DOCK3: variants seen among roughly 807,000 people sequenced by gnomAD.
The protein encoded by DOCK3 is dedicator of cytokinesis 3.
A neutral mutation model predicts 265.6 loss-of-function variants in DOCK3; 60 were observed. That is an observed-to-expected ratio of 0.23 (90% CI 0.18 to 0.28). DOCK3 has a LOEUF of 0.28. Ranked by LOEUF, DOCK3 falls within the 10% of genes least tolerant of loss-of-function variation. DOCK3 has a pLI of 1.00. For missense variants in DOCK3, 1,981 were observed against 2,594.3 expected, an observed-to-expected ratio of 0.76 and a Z score of 5.14; for synonymous variants, 881 against 938.0, an observed-to-expected ratio of 0.94 and a Z score of 1.11.
intron 1 of DOCK3, among the ~76,000 whole-genome samples, chr3:50,774,444 C>T (rs1043442797): frequency 6.6e-6 from 1 of 151,742 alleles, no homozygotes; most frequent in Non-Finnish European, 1.5e-5. Context: ...AGATTTATTT[C>T]CAGTTACATG....
At chr3:51,228,857 G>A (rs766727581) in intron 18 of DOCK3, 25 bp downstream of exon 18, 1 of 1,610,592 alleles carries the variant, frequency 6.2e-7, no homozygotes, top group Non-Finnish European at 8.5e-7. Flanking sequence ...CTGCAGGGTG[G>A]TGCCCTCCAC....
intron 10 of DOCK3, among the ~76,000 whole-genome samples, chr3:51,158,098 A>G (rs534620312): frequency 6.6e-6 from 1 of 152,296 alleles, no homozygotes; most frequent in Non-Finnish European, 1.5e-5. Context: ...TCCATCAAGT[A>G]TCATTAACTC....
At chr3:50,998,775 C>G (rs1322237004) in intron 5 of DOCK3, among the ~76,000 whole-genome samples, 1 of 151,970 alleles carries the variant, frequency 6.6e-6, no homozygotes, top group Non-Finnish European at 1.5e-5. Flanking sequence ...ATTTAATATA[C>G]AAAACAAAAG....
At chr3:50,759,388 G>A (rs1291516437) in intron 1 of DOCK3, among the ~76,000 whole-genome samples, 2 of 151,402 alleles carry the variant, frequency 1.3e-5, no homozygotes, top group Non-Finnish European at 2.9e-5. Context: ...TTATTTTTTC[G>A]TAATAGCCAT....
At chr3:51,197,678 G>A (rs945445714) in intron 12 of DOCK3, among the ~76,000 whole-genome samples, 1 of 152,164 alleles carries the variant, frequency 6.6e-6, no homozygotes, top group Non-Finnish European at 1.5e-5. Flanking sequence ...GGTGAGAACA[G>A]CACCAGCCAT....
intron 21 of DOCK3, among the ~76,000 whole-genome samples, chr3:51,244,240 C>A (rs1241886254): frequency 6.6e-6 from 1 of 150,528 alleles, no homozygotes; most frequent in Non-Finnish European, 1.5e-5. Flanking sequence ...GCAAAAAATG[C>A]CATTGGAATT....
chr3:50,689,887 G>T (rs947105350), intron 1 of DOCK3, among the ~76,000 whole-genome samples: 2 of 152,120 alleles, frequency 1.3e-5, no homozygotes, highest in African/African-American at 4.8e-5. Context: ...TATCAGATAG[G>T]TGACTTGGAA....
intron 1 of DOCK3, among the ~76,000 whole-genome samples, chr3:50,741,944 C>T (rs1211817576): frequency 1.3e-5 from 2 of 152,090 alleles, no homozygotes; most frequent in African/African-American, 2.4e-5. Flanking sequence ...CTGTTGTTTC[C>T]TGACTTTTTA....
At chr3:51,107,134 G>A (rs911197319) in intron 9 of DOCK3, among the ~76,000 whole-genome samples, 1 of 152,190 alleles carries the variant, frequency 6.6e-6, no homozygotes, top group Admixed American at 6.5e-5. Context: ...GAAGCTAGTT[G>A]ACTGAACCCA....
intron 5 of DOCK3, among the ~76,000 whole-genome samples, chr3:50,977,685 T>C (rs988777808): frequency 1.3e-5 from 2 of 152,174 alleles, no homozygotes; most frequent in African/African-American, 4.8e-5. Context: ...ATCTGAACGT[T>C]GGCCTGCCTT....
chr3:50,792,101 C>T (rs1181056049), intron 2 of DOCK3, among the ~76,000 whole-genome samples: 1 of 146,852 alleles, frequency 6.8e-6, no homozygotes. Context: ...AATATTTTTC[C>T]ATTTGTTTGT....
intron 5 of DOCK3, among the ~76,000 whole-genome samples, chr3:50,999,991 AACACCTAGTTAG>A (rs2078417345): frequency 6.6e-6 from 1 of 152,194 alleles, no homozygotes; most frequent in Non-Finnish European, 1.5e-5. Context: ...CCACTGCTTC[AACACCTAGTTAG>A]GCTCACAGTG....
At chr3:50,696,495 T>G (rs1050476784) in intron 1 of DOCK3, among the ~76,000 whole-genome samples, 2 of 152,188 alleles carry the variant, frequency 1.3e-5, no homozygotes, top group Non-Finnish European at 2.9e-5. Context: ...CAAGGCAATA[T>G]CCCTAAGAGT....
chr3:50,756,213 G>C (rs188260087), intron 1 of DOCK3, among the ~76,000 whole-genome samples: 1 of 152,174 alleles, frequency 6.6e-6, no homozygotes, highest in Non-Finnish European at 1.5e-5. Context: ...ATTTGGGGAC[G>C]TTTTTCCCTT....
At chr3:50,893,488 T>C (rs1298027273) in intron 4 of DOCK3, among the ~76,000 whole-genome samples, 1 of 151,880 alleles carries the variant, frequency 6.6e-6, no homozygotes, top group African/African-American at 2.4e-5. Flanking sequence ...ATATGAAAAT[T>C]GTATGGAGAA....
chr3:51,309,757 T>C (rs1216026822), intron 27 of DOCK3, among the ~76,000 whole-genome samples: 2 of 152,224 alleles, frequency 1.3e-5, no homozygotes, highest in Admixed American at 6.5e-5. Flanking sequence ...AGCCACCCCA[T>C]TGCTTTCATG....
intron 21 of DOCK3, among the ~76,000 whole-genome samples, chr3:51,238,554 C>G (rs554900416): frequency 1.3e-5 from 2 of 152,204 alleles, no homozygotes; most frequent in East Asian, 3.9e-4. Flanking sequence ...ATTTCATCAC[C>G]TAGGTATTAA....
chr3:50,931,132 G>A (rs2051046375), intron 4 of DOCK3, among the ~76,000 whole-genome samples: 1 of 152,156 alleles, frequency 6.6e-6, no homozygotes, highest in African/African-American at 2.4e-5. Flanking sequence ...CACTACAGAC[G>A]GCCTGCTGCT....
chr3:50,856,603 T>G (rs1369657507), intron 3 of DOCK3, among the ~76,000 whole-genome samples: 1 of 152,198 alleles, frequency 6.6e-6, no homozygotes, highest in Non-Finnish European at 1.5e-5. Context: ...TTTTGTCAGA[T>G]GGATAGATTA....
Sources: gnomAD v4.1 joint callset for allele counts (sites outside exome capture counted in the v4.1 genomes callset) on GRCh38, gnomAD v4.1.1 for gene constraint, MANE v1.5 for transcripts, NCBI Gene and HGNC (gene_info 2026-07-23, HGNC 2026-07-21) for gene names.